Variants in FGF14 observed in about 807,000 individuals in gnomAD.
FGF14 encodes the protein fibroblast growth factor 14.
In FGF14, 5 loss-of-function variants were observed where a neutral mutation model predicts 25.5. That is an observed-to-expected ratio of 0.20 (90% CI 0.10 to 0.41). The LOEUF is 0.41. Among genes scored for constraint, FGF14 ranks in the 10% least tolerant of loss-of-function variants. FGF14 has a pLI of 1.00. For missense variants in FGF14, 222 were observed against 320.1 expected, an observed-to-expected ratio of 0.69 and a Z score of 2.34; for synonymous variants, 138 against 118.3, an observed-to-expected ratio of 1.17 and a Z score of -1.08.
intron 1 of FGF14, among the ~76,000 whole-genome samples, chr13:102,247,336 T>C (rs2051926500): frequency 6.6e-6 from 1 of 151,936 alleles, no homozygotes; most frequent in South Asian, 2.1e-4. Context: ...AAATTATGCA[T>C]CTGAGGTCTA....
chr13:101,788,872 CTATATA>C (rs56084859), intron 3 of FGF14, among the ~76,000 whole-genome samples: 752 of 26,234 alleles, frequency 0.029, 21 homozygotes, highest in Middle Eastern at 0.077. Context: ...CCTTTTTTGA[CTATATA>C]TATATATATA....
At chr13:101,942,586 G>T (rs1312115599) in intron 1 of FGF14, among the ~76,000 whole-genome samples, 1 of 152,172 alleles carries the variant, frequency 6.6e-6, no homozygotes, top group Non-Finnish European at 1.5e-5. Flanking sequence ...GACAATCAGT[G>T]AAAGAAACAA....
intron 3 of FGF14, among the ~76,000 whole-genome samples, chr13:101,791,114 C>T (rs79534341): frequency 6.6e-5 from 10 of 152,284 alleles, no homozygotes; most frequent in African/African-American, 2.4e-4. Flanking sequence ...GTCCTGTGCT[C>T]TGTCTCTTCC....
In FGF14 at chr13:101,837,564, T is replaced by C. The variant is rs190423373; in HGVS notation, c.408+31161A>G. On this transcript the variant is annotated intron_variant, in intron 3 of 4. Transcript: ENST00000376143. ...AAACGTATATCTAACAACAATGATG[T>C]TTTAAAGGCTTTTATATTGATCTTT... Among the ~76,000 whole-genome samples the C allele has an allele frequency of 2.6e-5, 4 of 152,226 alleles. No homozygotes were observed. In the East Asian group the frequency reaches 5.8e-4, roughly 22 times the overall value.
Position 101,779,707 on chromosome 13 carries a change from A to T in FGF14, c.409-52897T>A, listed in dbSNP as rs113918944. Among the ~76,000 whole-genome samples the T allele has an allele frequency of 5.8e-3, 882 of 152,328 alleles. 4 individuals carry two copies. The highest frequency in any genetic ancestry group is 9.5e-3 in the Non-Finnish European group (649 of 68,028). On this transcript the variant is annotated intron_variant, in intron 3 of 4. Transcript: ENST00000376143. Reference sequence around the variant, plus strand: ...TATTGATCTGAATATTGCACTGAACACTATCATTATTATCTTAATATGTTC... The same window carrying T: ...TATTGATCTGAATATTGCACTGAACTCTATCATTATTATCTTAATATGTTC...
At chr13:102,391,627 T>C (rs1042927485) in intron 1 of FGF14, among the ~76,000 whole-genome samples, 1 of 152,210 alleles carries the variant, frequency 6.6e-6, no homozygotes, top group African/African-American at 2.4e-5. Flanking sequence ...TTACTTGTCA[T>C]GTGAGTTGAA....
intron 1 of FGF14, among the ~76,000 whole-genome samples, chr13:101,977,843 T>C (rs571877501): frequency 1.3e-5 from 2 of 152,166 alleles, no homozygotes; most frequent in African/African-American, 4.8e-5. Flanking sequence ...CATTTGAATT[T>C]GGGTTTTCTT....
At chr13:101,783,833 C>T (rs948220456) in intron 3 of FGF14, among the ~76,000 whole-genome samples, 1 of 152,140 alleles carries the variant, frequency 6.6e-6, no homozygotes, top group African/African-American at 2.4e-5. Context: ...AGTCCTTAAT[C>T]CATCTTGAGT....
chr13:101,744,605 T>C (rs976179119), intron 3 of FGF14, among the ~76,000 whole-genome samples: 5 of 152,062 alleles, frequency 3.3e-5, no homozygotes, highest in African/African-American at 1.2e-4. Flanking sequence ...TTTTAAAAAA[T>C]GTTCTCTCTG....
At chr13:101,768,195 A>G (rs1284648795) in intron 3 of FGF14, among the ~76,000 whole-genome samples, 2 of 152,170 alleles carry the variant, frequency 1.3e-5, no homozygotes, top group Non-Finnish European at 2.9e-5. Flanking sequence ...CAAGCAAAAA[A>G]AAAGCTTGAT....
intron 3 of FGF14, among the ~76,000 whole-genome samples, chr13:101,779,810 G>C (rs9518543): frequency 0.42 from 63,669 of 152,016 alleles, 15,379 homozygotes; most frequent in Non-Finnish European, 0.54. Flanking sequence ...TTTACAAAAG[G>C]AACAACTAGC....
Position 102,132,311 on chromosome 13 carries a change from T to C in FGF14, c.209-257015A>G, listed in dbSNP as rs116096493. ...AAATACAAAATATTTTCTACCACAG[T>C]ACTACTTTTGTAAATTTAAGACATA... On this transcript the variant is annotated intron_variant, in intron 1 of 4. Transcript: ENST00000376131. Among the ~76,000 whole-genome samples the C allele has an allele frequency of 5.8e-3, 878 of 152,294 alleles. 8 individuals carry two copies. The highest frequency in any genetic ancestry group is 0.017 in the African/African-American group (718 of 41,564).
At chr13:102,188,728 C>A (rs1186088724) in intron 1 of FGF14, among the ~76,000 whole-genome samples, 1 of 151,780 alleles carries the variant, frequency 6.6e-6, no homozygotes, top group Non-Finnish European at 1.5e-5. Context: ...TCACTTGAGG[C>A]CAGAAGTTCG....
intron 1 of FGF14, among the ~76,000 whole-genome samples, chr13:102,282,063 C>CA (rs1555393269): frequency 1.0e-4 from 9 of 89,812 alleles, no homozygotes; most frequent in Admixed American, 8.5e-4. Flanking sequence ...AACCCTGCTT[C>CA]TTTTTTTTTT....
intron 1 of FGF14, among the ~76,000 whole-genome samples, chr13:101,941,309 C>CA (rs1213017547): frequency 6.6e-6 from 1 of 152,332 alleles, no homozygotes; most frequent in East Asian, 1.9e-4. Context: ...AGCAAGTAAA[C>CA]AGCAAGATTC....
chr13:102,021,813 T>C (rs1016269319), intron 1 of FGF14, among the ~76,000 whole-genome samples: 1 of 152,100 alleles, frequency 6.6e-6, no homozygotes, highest in Admixed American at 6.6e-5. Flanking sequence ...GGCAGCCTAT[T>C]CTTTTTAGAT....
chr13:101,916,313 C>G, intron 1 of FGF14, 140 bp downstream of exon 1: 1 of 1,025,338 alleles, frequency 9.8e-7, no homozygotes, highest in Non-Finnish European at 1.5e-6. Context: ...GTCCCCGCGA[C>G]GGCACCCAGA....
At chr13:102,393,969 T>G (rs1165484788) in intron 1 of FGF14, 2 of 152,268 alleles carry the variant, frequency 1.3e-5, no homozygotes, top group Non-Finnish European at 1.5e-5. Context: ...GAAGTTTACT[T>G]ACAATCAGGA....
At chr13:102,020,496 C>T (rs1398120652) in intron 1 of FGF14, among the ~76,000 whole-genome samples, 1 of 151,718 alleles carries the variant, frequency 6.6e-6, no homozygotes. Context: ...TTCAGTGAGC[C>T]GAGATCACGC....
Sources: gnomAD v4.1 joint callset for allele counts (sites outside exome capture counted in the v4.1 genomes callset) on GRCh38, gnomAD v4.1.1 for gene constraint, MANE v1.5 for transcripts, NCBI Gene and HGNC (gene_info 2026-07-23, HGNC 2026-07-21) for gene names.